The following LGR6 variants were observed in gnomAD, a reference collection of about 807,000 sequenced individuals.
LGR6 encodes the protein leucine-rich repeat-containing G protein-coupled receptor 6.
A neutral mutation model predicts 69.4 loss-of-function variants in LGR6; 45 were observed. The ratio of observed to expected loss-of-function variants is 0.65; its 90% CI spans 0.51 to 0.83. The LOEUF (loss-of-function observed/expected upper bound fraction) is 0.83, where lower values mean the gene tolerates loss of function less well. Among genes scored for constraint, LGR6 ranks in the 40% least tolerant of loss-of-function variants. The pLI is 0.00. For missense variants in LGR6, 1,108 were observed against 1,246.7 expected (o/e 0.89, Z 1.68); for synonymous variants, 538 against 555.0 (o/e 0.97, Z 0.43).
At chr1:202,309,645 A>G (rs908687726) in intron 15 of LGR6, among the ~76,000 whole-genome samples, 5 of 152,232 alleles carry the variant, frequency 3.3e-5, no homozygotes, top group Admixed American at 3.3e-4. Context: ...TGCAGCCTGC[A>G]TGGCCCAAGC....
chr1:202,307,444 T>C, intron 14 of LGR6, 43 bp downstream of exon 14: 2 of 1,586,372 alleles, frequency 1.3e-6, no homozygotes, highest in African/African-American at 2.7e-5. Context: ...TGGGGGCCAG[T>C]CGGGACTATG....
At chr1:202,195,495 T>C (rs910796366) in intron 1 of LGR6, among the ~76,000 whole-genome samples, 8 of 152,228 alleles carry the variant, frequency 5.3e-5, no homozygotes, top group Middle Eastern at 3.4e-3. Context: ...AGAAAAATAA[T>C]GTCCATCTAG....
chr1:202,316,832 A>G (rs1447596116), intron 17 of LGR6, among the ~76,000 whole-genome samples: 2 of 152,228 alleles, frequency 1.3e-5, no homozygotes, highest in Non-Finnish European at 2.9e-5. Context: ...GCCAAAGAAA[A>G]TGAAGAAATA....
chr1:202,203,674 G>A, intron 1 of LGR6: 1 of 753,196 alleles, frequency 1.3e-6, no homozygotes, highest in Non-Finnish European at 2.3e-6. Context: ...ACCTGTTGTA[G>A]GAAGTGAGAA....
chr1:202,219,421 GC>G (rs551908077), intron 1 of LGR6, among the ~76,000 whole-genome samples: 3,894 of 152,194 alleles, frequency 0.026, 181 homozygotes, highest in African/African-American at 0.087. Flanking sequence ...CACTGCAGGA[GC>G]CAAAGGATTA....
At chr1:202,236,057 G>GC in intron 4 of LGR6, 64 bp downstream of exon 4, 1 of 1,384,926 alleles carries the variant, frequency 7.2e-7, no homozygotes, top group Non-Finnish European at 1.0e-6. Context: ...ACAGCCCAGG[G>GC]CCCCCTGCCT....
intron 4 of LGR6, among the ~76,000 whole-genome samples, chr1:202,237,983 C>CAAAAAAAAAAAAAA (rs5780111): frequency 1.3e-5 from 1 of 75,388 alleles, no homozygotes. Flanking sequence ...GGGGGATTTG[C>CAAAAAAAAAAAAAA]AAAAAAAAAA....
chr1:202,269,790 T>C (rs1185750386), intron 4 of LGR6, among the ~76,000 whole-genome samples: 1 of 152,210 alleles, frequency 6.6e-6, no homozygotes, highest in Non-Finnish European at 1.5e-5. Flanking sequence ...GGAGGACACC[T>C]GCCCTCTTTC....
chr1:202,212,106 T>G (rs1481854283), intron 1 of LGR6, among the ~76,000 whole-genome samples: 1 of 152,168 alleles, frequency 6.6e-6, no homozygotes, highest in Non-Finnish European at 1.5e-5. Context: ...GGGAGTATCA[T>G]GGCTACCACC....
intron 15 of LGR6, among the ~76,000 whole-genome samples, chr1:202,309,691 C>T (rs1052990006): frequency 6.6e-6 from 1 of 152,252 alleles, no homozygotes; most frequent in Non-Finnish European, 1.5e-5. Context: ...GCCCTTAGGG[C>T]CTCTGCACTT....
chr1:202,268,828 C>T lies in LGR6; in HGVS notation c.429-7478C>T, dbSNP rs1664878561. Among the ~76,000 whole-genome samples the T allele has an allele frequency of 6.6e-6, 1 of 152,172 alleles. No homozygotes were observed. The highest frequency in any genetic ancestry group is 2.1e-4 in the South Asian group (1 of 4,832). ...GAGCAGAGCCGACCTCATGGGCCTG[C>T]GACCTGTGTGGTTGCCAGGGCCCTG... On this transcript the variant is annotated intron_variant, in intron 4 of 17. Coordinates refer to ENST00000367278, the MANE Select transcript of LGR6 (RefSeq NM_001017403.2). The surrounding 1 kb of genome is among the most constrained non-coding windows in gnomAD (Gnocchi z 4.4).
At chr1:202,205,436 C>A (rs377706090) in intron 1 of LGR6, among the ~76,000 whole-genome samples, 1 of 47,570 alleles carries the variant, frequency 2.1e-5, no homozygotes, top group African/African-American at 6.7e-5. Flanking sequence ...CTAACACACA[C>A]CTCCTTCAAA....
chr1:202,228,598 C>T (rs1660755798), intron 3 of LGR6, among the ~76,000 whole-genome samples: 1 of 152,138 alleles, frequency 6.6e-6, no homozygotes, highest in South Asian at 2.1e-4. Context: ...TTCCACTTAC[C>T]ATCAAACTGA....
chr1:202,271,309 C>T (rs571276348), intron 4 of LGR6, among the ~76,000 whole-genome samples: 2 of 152,078 alleles, frequency 1.3e-5, no homozygotes, highest in East Asian at 1.9e-4. Flanking sequence ...GAGCCTAGGA[C>T]CCCCCTACCC....
chr1:202,250,513 C>A (rs1663138737), intron 4 of LGR6, among the ~76,000 whole-genome samples: 1 of 152,128 alleles, frequency 6.6e-6, no homozygotes, highest in South Asian at 2.1e-4. Flanking sequence ...TCAAGCGATT[C>A]TCCTGCCTCA....
chr1:202,285,096 AT>A (rs2148198558), intron 6 of LGR6, among the ~76,000 whole-genome samples: 1 of 152,360 alleles, frequency 6.6e-6, no homozygotes, highest in Non-Finnish European at 1.5e-5. Context: ...ATTCTGCCTT[AT>A]AATACAAAAT....
At chr1:202,269,397 C>T (rs1237664574) in intron 4 of LGR6, among the ~76,000 whole-genome samples, 2 of 152,202 alleles carry the variant, frequency 1.3e-5, no homozygotes. Flanking sequence ...AGGGGCTCCC[C>T]TTCTCTGAGC....
chr1:202,233,687 C>T (rs1443836815), intron 3 of LGR6, among the ~76,000 whole-genome samples: 1 of 152,136 alleles, frequency 6.6e-6, no homozygotes, highest in Non-Finnish European at 1.5e-5. Context: ...TTACTCAAGT[C>T]ATCCAGTAAG....
At chr1:202,233,417 G>A (rs1046045649) in intron 3 of LGR6, among the ~76,000 whole-genome samples, 12 of 152,266 alleles carry the variant, frequency 7.9e-5, no homozygotes, top group African/African-American at 1.2e-4. Context: ...CTCAGCCATC[G>A]TTTCTCTTGT....
Sources: allele counts gnomAD v4.1 joint callset (sites outside exome capture counted in the v4.1 genomes callset), GRCh38; gene constraint gnomAD v4.1.1; non-coding constraint Gnocchi (gnomAD v3.1); transcripts MANE v1.5; gene names NCBI Gene and HGNC (gene_info 2026-07-23, HGNC 2026-07-21).